Variants in PHLDB1 observed in about 807,000 individuals in gnomAD.
PHLDB1 encodes the protein pleckstrin homology-like domain family B member 1.
PHLDB1 carries 65 observed loss-of-function variants against 139.3 expected under a neutral mutation model. The ratio of observed to expected loss-of-function variants is 0.47; its 90% CI spans 0.38 to 0.57. The LOEUF is 0.57. Among genes scored for constraint, PHLDB1 ranks in the 20% least tolerant of loss-of-function variants. The pLI, the probability that PHLDB1 is intolerant of heterozygous loss-of-function variation, is 0.00. For synonymous variants in PHLDB1, 679 were observed against 734.5 expected, an observed-to-expected ratio of 0.92 and a Z score of 1.22; for missense variants, 1,624 against 1,839.7, an observed-to-expected ratio of 0.88 and a Z score of 2.14.
intron 1 of PHLDB1, among the ~76,000 whole-genome samples, chr11:118,609,262 C>A (rs1939689906): frequency 7.1e-6 from 1 of 139,878 alleles, no homozygotes; most frequent in Non-Finnish European, 1.5e-5. Flanking sequence ...CAGCTCAGCT[C>A]AATACACAGC....
chr11:118,649,646 C>T (rs1002151476), intron 18 of PHLDB1, among the ~76,000 whole-genome samples: 4 of 152,080 alleles, frequency 2.6e-5, no homozygotes, highest in Non-Finnish European at 4.4e-5. Context: ...TCAAAGCCGG[C>T]GTTTTACATG....
At chr11:118,621,776 G>C (rs575826488) in intron 4 of PHLDB1, among the ~76,000 whole-genome samples, 1 of 152,116 alleles carries the variant, frequency 6.6e-6, no homozygotes, top group Non-Finnish European at 1.5e-5. Flanking sequence ...CCAGCGCTCC[G>C]GCAGTCCCCT....
intron 17 of PHLDB1, chr11:118,646,645 C>G (rs1555129206): frequency 6.6e-6 from 1 of 152,112 alleles, no homozygotes; most frequent in East Asian, 1.9e-4. Context: ...TGGGATTCAG[C>G]AAAGAGGGAC....
intron 2 of PHLDB1, 108 bp downstream of exon 2, chr11:118,614,004 T>C: frequency 2.8e-6 from 2 of 702,908 alleles, no homozygotes; most frequent in Non-Finnish European, 5.1e-6. Flanking sequence ...ATTCTGTTCC[T>C]CTCTGCCCTT....
upstream of PHLDB1, chr11:118,607,526 G>A (rs1308024604): frequency 1.4e-5 from 2 of 140,864 alleles, no homozygotes; most frequent in Admixed American, 7.0e-5. Flanking sequence ...CCAGGCGGAC[G>A]GGACGGGGGA....
At chr11:118,640,029 T>G in intron 12 of PHLDB1, 2 of 983,688 alleles carry the variant, frequency 2.0e-6, no homozygotes, top group Non-Finnish European at 2.4e-6. Flanking sequence ...CTGCGTGCTC[T>G]GCTTTGCCCA....
chr11:118,653,512 T>C (rs1472536026), intron 20 of PHLDB1: 1 of 152,224 alleles, frequency 6.6e-6, no homozygotes, highest in Non-Finnish European at 1.5e-5. Context: ...CTGTGCTGAA[T>C]ACCTTAAATG....
Position 118,627,657 on chromosome 11 carries a change from A to G in PHLDB1, c.834A>G (p.Gly278=), listed in dbSNP as rs1944102231. The change falls in exon 6 of 23, where the codon GGA becomes GGG. Residue 278 remains glycine (G), a synonymous_variant. Transcript: ENST00000600882. The stretch of plus-strand genomic sequence containing the variant: ...ACTCACCCAGTGGGCAAGAGCCAGG[A>G]CCTTCTGTGCCCCCGCTGGTACCTG... The part of the protein sequence containing the change: ...ASHSPSGQEP[G]PSVPPLVPAR... 1.2e-6 allele frequency: 2 copies of G among 1,611,710 alleles called. No individual in the cohort carries two copies. The highest frequency in any genetic ancestry group is 8.5e-7 in the Non-Finnish European group (1 of 1,180,010).
Position 118,607,627 on chromosome 11 carries a change from A to G in PHLDB1, c.-94A>G, listed in dbSNP as rs137931146. The G allele has an allele frequency of 6.6e-5, 10 of 152,108 alleles. 1 individual carries two copies. Among genetic ancestry groups the G allele is most frequent in the African/African-American group, 2.4e-4 (10 of 41,384 alleles). 9.4% of individuals were successfully genotyped at this position (152,108 alleles called of 1,614,324 possible). ...GGGGAAAAGCAACGGTGTCCTCCTA[A>G]GCCTGAGGCCACCGCGACCGAGCCG... On this transcript the variant is annotated 5_prime_UTR_variant, in exon 1 of 23. Coordinates refer to ENST00000600882, the MANE Select transcript of PHLDB1 (RefSeq NM_001144758.3).
intron 7 of PHLDB1, 119 bp from the exon 8 acceptor site, chr11:118,631,794 C>A: frequency 1.7e-6 from 2 of 1,200,844 alleles, no homozygotes; most frequent in Non-Finnish European, 2.3e-6. Context: ...AGGGAATTAG[C>A]CTCCTGTCTC....
At chr11:118,609,747 C>CA (rs1253099934) in intron 1 of PHLDB1, among the ~76,000 whole-genome samples, 3 of 152,252 alleles carry the variant, frequency 2.0e-5, no homozygotes, top group African/African-American at 7.2e-5. Context: ...GCGGCAGCGG[C>CA]AGGCGCCCAA....
chr11:118,607,363 GT>G (rs1939358790), upstream of PHLDB1, among the ~76,000 whole-genome samples: 1 of 136,646 alleles, frequency 7.3e-6, no homozygotes. Flanking sequence ...GGTGGTGGTG[GT>G]GGTGGTGGTG....
In PHLDB1 at chr11:118,608,076, TC is replaced by T. The variant is rs1939457802; in HGVS notation, c.-22+378del. 6.6e-6 allele frequency among the ~76,000 whole-genome samples: 1 copy of T among 151,920 alleles called. No individual in the cohort carries two copies. The highest frequency in any genetic ancestry group is 2.4e-5 in the African/African-American group (1 of 41,374). ...GGGCGGCGAGCGCGCGCGCGGGTTTTCGTCCTCCAGCGCCCCACACCTCCCC... is the reference window on the plus strand; with the variant it reads ...GGGCGGCGAGCGCGCGCGCGGGTTTTGTCCTCCAGCGCCCCACACCTCCCC... On this transcript the variant is annotated intron_variant, in intron 1 of 22. Coordinates refer to ENST00000600882, the MANE Select transcript of PHLDB1 (RefSeq NM_001144758.3). This position sits in a 1 kb window ranked among gnomAD's most constrained non-coding sequence, Gnocchi z 6.7.
chr11:118,627,836 C>G lies in PHLDB1; in HGVS notation c.1013C>G (p.Thr338Ser). 1 of 1,607,048 alleles carries G rather than the reference C, an allele frequency of 6.2e-7. No individual in the cohort carries two copies. Among genetic ancestry groups the G allele is most frequent in the Non-Finnish European group, 8.5e-7 (1 of 1,179,764 alleles). ...CTGCTGACAGACAGCCCTGCAGCTA[C>G]TGTCTTGGCGGAGGCCCGGAGAGCC... is the stretch of plus-strand genomic sequence containing the variant. ...RGLLTDSPAA[T>S]VLAEARRATE... Residue 338 changes from threonine to serine, a missense_variant, in exon 6 of 23, where the codon ACT (threonine) becomes AGT (serine). Thr to Ser is a moderately conservative substitution (Grantham distance 58). Coordinates refer to ENST00000600882, the MANE Select transcript of PHLDB1 (RefSeq NM_001144758.3).
At chr11:118,642,197 C>G (rs1946666115) in intron 12 of PHLDB1, 57 bp from the exon 13 acceptor site, 1 of 1,519,956 alleles carries the variant, frequency 6.6e-7, no homozygotes, top group Non-Finnish European at 9.1e-7. Context: ...ATTTCCTGGC[C>G]TTTCCTCTCC....
At chr11:118,652,339 C>T (rs1157990824) in intron 20 of PHLDB1, 1 of 152,188 alleles carries the variant, frequency 6.6e-6, no homozygotes, top group Admixed American at 6.5e-5. Flanking sequence ...GAGGAAGAAA[C>T]ATGCCTGGGG....
At position 118,628,218 on chromosome 11, in the gene PHLDB1, C is replaced by G. The variant is rs782763554; in HGVS notation, c.1395C>G (p.Ser465=). ...RELPPLSPSL[S]RRALSPLPTR... is the part of the protein sequence containing the mutation. ...TACCCCCCTTAAGTCCATCTCTGTCCCGGCGAGCTCTCTCCCCGCTGCCCA... is the reference window on the plus strand; with the variant it reads ...TACCCCCCTTAAGTCCATCTCTGTCGCGGCGAGCTCTCTCCCCGCTGCCCA... Residue 465 remains serine, a synonymous_variant, in exon 6 of 23, where the codon TCC becomes TCG. Transcript: ENST00000600882. 6.2e-7 allele frequency: 1 copy of G among 1,614,072 alleles called. No homozygotes were observed. The highest frequency in any genetic ancestry group is 1.1e-5 in the South Asian group (1 of 91,076).
At chr11:118,628,678 C>G (rs2236661) in intron 6 of PHLDB1, 28 bp downstream of exon 6, 357,761 of 1,581,766 alleles carry the variant, frequency 0.23, 41,723 homozygotes, top group South Asian at 0.34. Flanking sequence ...AGGCTTGCCA[C>G]TGTCCATGGC....
chr11:118,630,820 T>C lies in PHLDB1; in HGVS notation c.1828-387T>C, dbSNP rs563073440. 2.0e-5 allele frequency among the ~76,000 whole-genome samples: 3 copies of C among 152,136 alleles called. No homozygotes were observed. In the South Asian group the frequency reaches 6.2e-4, roughly 32 times the overall value. ...AGTTTATCTGTGTCTCATTGTGGTCTGTAGTCTGCTTAACAGTGTGTTTCT... is the reference window on the plus strand; with the variant it reads ...AGTTTATCTGTGTCTCATTGTGGTCCGTAGTCTGCTTAACAGTGTGTTTCT... On this transcript the variant is annotated intron_variant, in intron 6 of 22. Transcript: ENST00000600882.
Sources: gnomAD v4.1 joint callset for allele counts (sites outside exome capture counted in the v4.1 genomes callset) on GRCh38, gnomAD v4.1.1 for gene constraint, Gnocchi (gnomAD v3.1) non-coding constraint, MANE v1.5 for transcripts, NCBI Gene and HGNC (gene_info 2026-07-23, HGNC 2026-07-21) for gene names.